Variants in NEBL observed in about 807,000 individuals in gnomAD.
NEBL encodes nebulette.
In NEBL, 122 loss-of-function variants were observed where a neutral mutation model predicts 140.2. The observed-to-expected ratio is 0.87, with a 90% CI of 0.75 to 1.01. The LOEUF is 1.01. NEBL is among the 50% of genes least tolerant of loss of function. The pLI, the probability that NEBL is intolerant of heterozygous loss-of-function variation, is 0.00. For missense variants in NEBL, 1,365 were observed against 1,231.3 expected (o/e 1.11, Z -1.62); for synonymous variants, 436 against 398.9 (o/e 1.09, Z -1.11).
intron 2 of NEBL, among the ~76,000 whole-genome samples, chr10:21,036,949 C>A (rs75237567): frequency 1.3e-5 from 2 of 152,060 alleles, no homozygotes; most frequent in African/African-American, 4.8e-5. Flanking sequence ...TTGTTTGTTT[C>A]GTTTTGTTTA....
chr10:20,956,513 A>G (rs760362266), intron 4 of NEBL, among the ~76,000 whole-genome samples: 11 of 152,308 alleles, frequency 7.2e-5, no homozygotes, highest in Non-Finnish European at 1.6e-4. Flanking sequence ...TAAAAATACT[A>G]GCCTTCAAGA....
intron 2 of NEBL, among the ~76,000 whole-genome samples, chr10:21,034,163 T>A (rs1295854716): frequency 1.0e-5 from 1 of 97,418 alleles, no homozygotes; most frequent in African/African-American, 4.5e-5. Flanking sequence ...CAAGACCCTA[T>A]CTCGAAAAAA....
intron 1 of NEBL, among the ~76,000 whole-genome samples, chr10:21,270,741 G>A (rs978933423): frequency 1.3e-5 from 2 of 152,152 alleles, no homozygotes; most frequent in African/African-American, 2.4e-5. Context: ...AGGACAAGTC[G>A]TTCAACTCTT....
At chr10:21,107,696 G>A (rs148482502) in intron 2 of NEBL, among the ~76,000 whole-genome samples, 2,406 of 152,286 alleles carry the variant, frequency 0.016, 44 homozygotes, top group African/African-American at 0.056. Context: ...ATGAGTTAGG[G>A]AGGATTCCCT....
chr10:20,944,724 C>T (rs1229875920), intron 4 of NEBL, among the ~76,000 whole-genome samples: 1 of 152,216 alleles, frequency 6.6e-6, no homozygotes, highest in Non-Finnish European at 1.5e-5. Context: ...CTTTGCTCAA[C>T]ATTTGTCATT....
chr10:21,044,890 C>T (rs150600426), intron 2 of NEBL, among the ~76,000 whole-genome samples: 86 of 151,950 alleles, frequency 5.7e-4, no homozygotes, highest in African/African-American at 1.9e-3. Flanking sequence ...GGAGAATTGA[C>T]AAAAATACTT....
rs778268464 is a variant in NEBL at position 20,809,677 on chromosome 10, T to G, written c.2611+129A>C. The G allele has an allele frequency of 1.4e-5, 10 of 726,244 alleles. No individual in the cohort carries two copies. The Admixed American group carries it at 1.7e-4, about 12-fold the overall frequency. The allele number at this position is 726,244 out of a possible 1,614,324, so 45.0% of individuals were successfully genotyped here. Reference sequence around the variant, plus strand: ...AATTGTATTTAAAAGTAGCATAGCATTTTTTTGGTTTGCCAAATTCTCAGC... The same window carrying G: ...AATTGTATTTAAAAGTAGCATAGCAGTTTTTTGGTTTGCCAAATTCTCAGC... On this transcript the variant is annotated intron_variant, in intron 25 of 27. Coordinates refer to ENST00000377122, the MANE Select transcript of NEBL (RefSeq NM_006393.3).
At chr10:20,803,466 T>C (rs1837316255) in intron 26 of NEBL, among the ~76,000 whole-genome samples, 1 of 152,152 alleles carries the variant, frequency 6.6e-6, no homozygotes, top group South Asian at 2.1e-4. Flanking sequence ...AAGATGATCT[T>C]GAACCAAAAA....
chr10:21,172,500 T>A, intron 1 of NEBL: 3 of 1,491,966 alleles, frequency 2.0e-6, no homozygotes, highest in Non-Finnish European at 2.8e-6. Flanking sequence ...AAAAAACATT[T>A]AAAAATACAG....
upstream of NEBL, among the ~76,000 whole-genome samples, chr10:20,901,937 T>G (rs1847889820): frequency 6.6e-6 from 1 of 152,212 alleles, no homozygotes; most frequent in South Asian, 2.1e-4. Context: ...TTTGTCTCCT[T>G]TATAAAAGAG....
chr10:21,036,128 A>G (rs1276293779), intron 2 of NEBL, among the ~76,000 whole-genome samples: 1 of 151,998 alleles, frequency 6.6e-6, no homozygotes, highest in Non-Finnish European at 1.5e-5. Context: ...ACATCACTGC[A>G]CTCCAGCCTG....
intron 2 of NEBL, among the ~76,000 whole-genome samples, chr10:21,251,666 G>A (rs913550021): frequency 3.9e-5 from 6 of 152,016 alleles, no homozygotes; most frequent in Non-Finnish European, 8.8e-5. Flanking sequence ...TAGGGCTTTT[G>A]AGAAGCTCCA....
chr10:20,808,409 G>C (rs183089627), intron 26 of NEBL, 101 bp downstream of exon 26: 1 of 1,209,538 alleles, frequency 8.3e-7, no homozygotes, highest in Admixed American at 1.7e-5. Context: ...AATACAGCCA[G>C]GATAGATGTT....
intron 6 of NEBL, 77 bp from the exon 7 acceptor site, chr10:20,868,842 AAAAAAAT>A: frequency 1.0e-6 from 1 of 973,380 alleles, no homozygotes; most frequent in African/African-American, 1.7e-5. Context: ...GCCAAAAAAA[AAAAAAAT>A]AACAGACCTT....
chr10:20,826,216 C>T (rs973684881), intron 18 of NEBL, among the ~76,000 whole-genome samples: 3 of 152,082 alleles, frequency 2.0e-5, no homozygotes, highest in Non-Finnish European at 2.9e-5. Flanking sequence ...TTAAAATGAC[C>T]TAGCTCTTCT....
chr10:21,251,872 G>A (rs970087562), intron 1 of NEBL, among the ~76,000 whole-genome samples: 1 of 152,116 alleles, frequency 6.6e-6, no homozygotes. Flanking sequence ...CCCAGTTTAT[G>A]GTATTTGGTC....
chr10:20,841,967 T>G (rs1841446768), intron 12 of NEBL, among the ~76,000 whole-genome samples: 1 of 152,142 alleles, frequency 6.6e-6, no homozygotes, highest in African/African-American at 2.4e-5. Flanking sequence ...ACAACTTATT[T>G]TTCTCTGCTA....
chr10:21,157,964 A>G (rs1251517324), intron 2 of NEBL, among the ~76,000 whole-genome samples: 1 of 152,196 alleles, frequency 6.6e-6, no homozygotes, highest in Non-Finnish European at 1.5e-5. Context: ...TAAGCCAAGG[A>G]CAGGGGCCTG....
intron 2 of NEBL, among the ~76,000 whole-genome samples, chr10:21,139,908 TG>T (rs1233207863): frequency 1.3e-5 from 2 of 148,292 alleles, no homozygotes; most frequent in African/African-American, 5.0e-5. Context: ...CCCAGCACTT[TG>T]GGAGGCTGAG....
Sources: gnomAD v4.1 joint callset for allele counts (sites outside exome capture counted in the v4.1 genomes callset) on GRCh38, gnomAD v4.1.1 for gene constraint, MANE v1.5 for transcripts, NCBI Gene and HGNC (gene_info 2026-07-23, HGNC 2026-07-21) for gene names.